DISC1: variants seen among roughly 807,000 people sequenced by gnomAD.
The protein encoded by DISC1 is disrupted in schizophrenia 1 protein.
A neutral mutation model predicts 84.5 loss-of-function variants in DISC1; 57 were observed. The ratio of observed to expected loss-of-function variants is 0.67; its 90% confidence interval spans 0.55 to 0.84. The LOEUF is 0.84. DISC1 is among the 40% of genes least tolerant of loss of function. The pLI, the probability that DISC1 is intolerant of heterozygous loss-of-function variation, is 0.00. For missense variants in DISC1, 1,000 were observed against 1,057.8 expected (o/e 0.95, Z 0.76); for synonymous variants, 411 against 415.2 (o/e 0.99, Z 0.12).
At chr1:231,794,236 A>G (rs998609684) in intron 6 of DISC1, among the ~76,000 whole-genome samples, 7 of 124,606 alleles carry the variant, frequency 5.6e-5, no homozygotes, top group Non-Finnish European at 8.2e-5. Flanking sequence ...TCTTCTTGCT[A>G]GAATTTCATT....
At position 232,008,805 on chromosome 1, in the gene DISC1, G is replaced by A. The variant is rs367543094; in HGVS notation, c.2063G>A (p.Gly688Glu). The A allele has an allele frequency of 4.5e-5, 72 of 1,582,566 alleles. No homozygotes were observed. The African/African-American group carries it at 9.2e-4, about 20-fold the overall frequency. Reference sequence around the variant, plus strand: ...CTCAGCTGCAAGTGTCCACTGCTTGGGAAAGTGTGGGAAGCTGACTTGGAA... The same window carrying A: ...CTCAGCTGCAAGTGTCCACTGCTTGAGAAAGTGTGGGAAGCTGACTTGGAA... Reference protein sequence around the residue: ...KLCSCKCPLLGKVWEADLEAC... With the variant: ...KLCSCKCPLLEKVWEADLEAC... The change falls in exon 11 of 13, where the codon GGG becomes GAG. Residue 688 changes from glycine to glutamate, a missense_variant. Coordinates refer to ENST00000439617, the MANE Select transcript of DISC1 (RefSeq NM_018662.3).
intron 9 of DISC1, among the ~76,000 whole-genome samples, chr1:231,894,343 T>C (rs2087504825): frequency 6.6e-6 from 1 of 152,208 alleles, no homozygotes; most frequent in African/African-American, 2.4e-5. Flanking sequence ...AGTGAACCTA[T>C]GAGTTTATTT....
rs1176826686 is a variant in DISC1, at chr1:232,039,444, C to T, written c.*2613C>T. The T allele has an allele frequency of 2.0e-5, 3 of 152,124 alleles. No homozygotes were observed. The highest frequency in any genetic ancestry group is 1.5e-5 in the Non-Finnish European group (1 of 68,032). 9.4% of individuals were successfully genotyped at this position (152,124 alleles called of 1,614,324 possible). On this transcript the variant is annotated 3_prime_UTR_variant, in exon 13 of 13. Transcript: ENST00000439617. Reference sequence around the variant, plus strand: ...CCGAAATAAGGGTTCTTTGGTACCTCTAGTAGATAGTGTGTTCATTTCCCT... The same window carrying T: ...CCGAAATAAGGGTTCTTTGGTACCTTTAGTAGATAGTGTGTTCATTTCCCT...
chr1:231,765,060 C>T (rs779736119), intron 4 of DISC1, among the ~76,000 whole-genome samples: 11 of 151,954 alleles, frequency 7.2e-5, no homozygotes, highest in African/African-American at 2.2e-4. Context: ...TGTGGTGGCG[C>T]GTGCCTGTAG....
chr1:231,699,062 T>C (rs1202901590), intron 2 of DISC1, among the ~76,000 whole-genome samples: 1 of 152,120 alleles, frequency 6.6e-6, no homozygotes, highest in Non-Finnish European at 1.5e-5. Context: ...CACAGAGATT[T>C]TTGGGGGGCA....
chr1:231,952,705 A>ATATG (rs892112623), intron 9 of DISC1, among the ~76,000 whole-genome samples: 2 of 141,460 alleles, frequency 1.4e-5, no homozygotes, highest in African/African-American at 5.7e-5. Flanking sequence ...ATATATATAT[A>ATATG]TATATATATG....
chr1:231,935,349 A>C (rs2090915718), intron 9 of DISC1, among the ~76,000 whole-genome samples: 1 of 152,168 alleles, frequency 6.6e-6, no homozygotes, highest in Non-Finnish European at 1.5e-5. Flanking sequence ...GTGGTGAGGA[A>C]GGAGGAAAGC....
At chr1:231,634,675 A>T (rs929584635) in intron 1 of DISC1, among the ~76,000 whole-genome samples, 2 of 152,204 alleles carry the variant, frequency 1.3e-5, no homozygotes, top group Non-Finnish European at 2.9e-5. Context: ...AATTTCTTCC[A>T]TTGTGTTTAT....
chr1:231,737,805 T>TA (rs1403088372), intron 3 of DISC1, among the ~76,000 whole-genome samples: 5 of 152,246 alleles, frequency 3.3e-5, no homozygotes, highest in Non-Finnish European at 7.3e-5. Flanking sequence ...GCTGGATACA[T>TA]ACGCCCGTTA....
chr1:231,659,186 A>G (rs959552487), intron 1 of DISC1, among the ~76,000 whole-genome samples: 1 of 152,010 alleles, frequency 6.6e-6, no homozygotes, highest in African/African-American at 2.4e-5. Context: ...CAGAGATTCA[A>G]TTTCTTCCTG....
chr1:231,860,928 T>G (rs115308006), intron 9 of DISC1, among the ~76,000 whole-genome samples: 1,871 of 152,346 alleles, frequency 0.012, 40 homozygotes, highest in African/African-American at 0.042. Context: ...TTTGGCAGAA[T>G]TGCAGACTGC....
intron 9 of DISC1, among the ~76,000 whole-genome samples, chr1:231,872,419 C>A (rs2085530750): frequency 6.6e-6 from 1 of 152,166 alleles, no homozygotes; most frequent in Non-Finnish European, 1.5e-5. Context: ...TGACCCTGAT[C>A]TAGTGATACC....
At chr1:231,640,577 GGAGTGCA>G (rs1351160285) in intron 1 of DISC1, among the ~76,000 whole-genome samples, 1 of 148,556 alleles carries the variant, frequency 6.7e-6, no homozygotes. Flanking sequence ...TGCCCATGCT[GGAGTGCA>G]GTGGCATGAT....
chr1:231,924,494 G>C (rs560562636), intron 9 of DISC1, among the ~76,000 whole-genome samples: 1 of 152,128 alleles, frequency 6.6e-6, no homozygotes. Context: ...GAATGTATCT[G>C]TGTGGGTGAA....
intron 11 of DISC1, among the ~76,000 whole-genome samples, chr1:232,021,986 T>TG (rs1430745154): frequency 6.6e-6 from 1 of 152,144 alleles, no homozygotes; most frequent in Non-Finnish European, 1.5e-5. Context: ...CCTCACAACA[T>TG]GGAGACTGGG....
chr1:231,883,247 A>G (rs1391239351), intron 9 of DISC1, among the ~76,000 whole-genome samples: 1 of 152,158 alleles, frequency 6.6e-6, no homozygotes, highest in Non-Finnish European at 1.5e-5. Context: ...TCTCTATAAT[A>G]TTAATTAGAT....
intron 9 of DISC1, among the ~76,000 whole-genome samples, chr1:231,830,353 T>C (rs1337223491): frequency 1.3e-5 from 2 of 152,102 alleles, no homozygotes; most frequent in Non-Finnish European, 2.9e-5. Flanking sequence ...TTTGTATGAA[T>C]TGAAAAACTA....
chr1:232,010,463 A>G (rs949532071), intron 11 of DISC1, among the ~76,000 whole-genome samples: 1 of 152,138 alleles, frequency 6.6e-6, no homozygotes, highest in South Asian at 2.1e-4. Context: ...CATGCCAGGT[A>G]TGTGATGGAG....
intron 9 of DISC1, among the ~76,000 whole-genome samples, chr1:231,889,986 G>C (rs1213187013): frequency 6.6e-6 from 1 of 152,166 alleles, no homozygotes; most frequent in Non-Finnish European, 1.5e-5. Flanking sequence ...ACCGAAGGGA[G>C]GTGTGGTTTA....
Sources: allele counts gnomAD v4.1 joint callset (sites outside exome capture counted in the v4.1 genomes callset), GRCh38; gene constraint gnomAD v4.1.1; transcripts MANE v1.5; gene names NCBI Gene and HGNC (gene_info 2026-07-23, HGNC 2026-07-21).